SLC30A9: variants seen among roughly 807,000 people sequenced by gnomAD.
SLC30A9 encodes the protein solute carrier family 30 member 9.
In SLC30A9, 58 loss-of-function variants were observed where a neutral mutation model predicts 87.5. The ratio of observed to expected loss-of-function variants is 0.66; its 90% confidence interval spans 0.54 to 0.82. SLC30A9 has a LOEUF of 0.82. Among genes scored for constraint, SLC30A9 ranks in the 40% least tolerant of loss-of-function variants. The pLI is 0.00. For synonymous variants in SLC30A9, 234 were observed against 233.0 expected, an observed-to-expected ratio of 1.00 and a Z score of -0.04; for missense variants, 557 against 679.1, an observed-to-expected ratio of 0.82 and a Z score of 2.00.
At chr4:42,045,109 G>A (rs996602107) in intron 8 of SLC30A9, among the ~76,000 whole-genome samples, 48 of 152,082 alleles carry the variant, frequency 3.2e-4, no homozygotes, top group Middle Eastern at 3.2e-3. Flanking sequence ...GGAGAAAGTC[G>A]GAAAGATCTA....
chr4:42,027,669 A>G (rs986101622), intron 6 of SLC30A9, among the ~76,000 whole-genome samples: 3 of 152,228 alleles, frequency 2.0e-5, no homozygotes, highest in African/African-American at 7.2e-5. Context: ...CAATCATCAC[A>G]GTATTCCCAA....
chr4:42,047,737 C>T (rs1717223771), intron 8 of SLC30A9, among the ~76,000 whole-genome samples: 1 of 152,100 alleles, frequency 6.6e-6, no homozygotes, highest in African/African-American at 2.4e-5. Flanking sequence ...GTGTATATAT[C>T]CAATAGATTA....
At chr4:42,010,311 T>C (rs527582209) in intron 2 of SLC30A9, among the ~76,000 whole-genome samples, 33 of 152,082 alleles carry the variant, frequency 2.2e-4, no homozygotes, top group African/African-American at 7.0e-4. Flanking sequence ...ACCCTGTCTC[T>C]ACAAAAAATA....
chr4:42,017,375 G>GT (rs61558035), intron 2 of SLC30A9, among the ~76,000 whole-genome samples: 4,196 of 138,674 alleles, frequency 0.03, 198 homozygotes, highest in African/African-American at 0.099. Context: ...TTTTTTCTCT[G>GT]TTTTTTTTTT....
chr4:41,998,978 C>A (rs1560533615), intron 1 of SLC30A9, among the ~76,000 whole-genome samples: 1 of 152,038 alleles, frequency 6.6e-6, no homozygotes, highest in Non-Finnish European at 1.5e-5. Context: ...AAATTAAGGA[C>A]TTTTCAAAAC....
rs1718995818 is a variant in SLC30A9, at chr4:42,088,370, C to T, written c.*2244C>T. ...GACCAGCCTGGGCAACACAGCGAGA[C>T]CTCATCTCTACTAAAAAAAGTTAGC... On this transcript the variant is annotated 3_prime_UTR_variant, in exon 18 of 18. Transcript: ENST00000264451. 6.6e-6 allele frequency: 1 copy of T among 152,256 alleles called. No homozygotes were observed. Among genetic ancestry groups the T allele is most frequent in the South Asian group, 2.1e-4 (1 of 4,818 alleles). The allele number at this position is 152,256 out of a possible 1,614,324, so 9.4% of individuals were successfully genotyped here. A position where few individuals can be genotyped will look rare whatever the true frequency, so the allele number is the denominator to read the frequency against.
intron 1 of SLC30A9, among the ~76,000 whole-genome samples, chr4:41,993,234 C>A (rs1293764753): frequency 6.6e-6 from 1 of 151,014 alleles, no homozygotes; most frequent in African/African-American, 2.4e-5. Flanking sequence ...CAAAATATTT[C>A]AACATGTAAT....
Position 41,990,589 on chromosome 4 carries a change from T to G in SLC30A9, c.-63T>G. 6 of 975,020 alleles carry G rather than the reference T, an allele frequency of 6.2e-6. No homozygotes were observed. The highest frequency in any genetic ancestry group is 9.5e-6 in the Non-Finnish European group (6 of 633,200). 60.4% of individuals were successfully genotyped at this position (975,020 alleles called of 1,614,324 possible). On this transcript the variant is annotated 5_prime_UTR_variant, in exon 1 of 18. Transcript: ENST00000264451. ...CTGATGTCCAGTCTATGGAGTCAGT[T>G]GGTACCGGTGGCGGCGCGGAGGCAG...
intron 2 of SLC30A9, among the ~76,000 whole-genome samples, chr4:42,005,406 AT>A (rs976244390): frequency 6.6e-6 from 1 of 152,186 alleles, no homozygotes; most frequent in African/African-American, 2.4e-5. Flanking sequence ...TCAGAGGAGT[AT>A]TTTTTTCTTC....
intron 10 of SLC30A9, among the ~76,000 whole-genome samples, chr4:42,062,320 T>C (rs552905633): frequency 7.2e-5 from 11 of 152,332 alleles, no homozygotes; most frequent in African/African-American, 2.4e-4. Flanking sequence ...TCCTCTAGTA[T>C]GTTATTAATA....
chr4:42,051,862 A>C lies in SLC30A9; in HGVS notation c.840+2383A>C, dbSNP rs572102674. Among the ~76,000 whole-genome samples the C allele has an allele frequency of 4.6e-5, 7 of 152,190 alleles. No homozygotes were observed. The South Asian group carries it at 1.4e-3, about 32-fold the overall frequency. ...GTTTTTCTACTGCTTTAATGAGGCT[A>C]GTATAACCCTGATGCCAAAATTTTA... is the stretch of plus-strand genomic sequence containing the variant. On this transcript the variant is annotated intron_variant, in intron 9 of 17. Transcript: ENST00000264451.
At chr4:42,002,419 C>CCT (rs143638947) in intron 2 of SLC30A9, among the ~76,000 whole-genome samples, 2 of 148,974 alleles carry the variant, frequency 1.3e-5, no homozygotes, top group Admixed American at 1.4e-4. Context: ...CCATTGCTGC[C>CCT]CTCTCTCTCT....
At chr4:41,998,514 A>T (rs2153132553) in intron 1 of SLC30A9, among the ~76,000 whole-genome samples, 1 of 149,318 alleles carries the variant, frequency 6.7e-6, no homozygotes, top group African/African-American at 2.4e-5. Context: ...CCCTGGCTGG[A>T]ATGCAATGGC....
intron 6 of SLC30A9, among the ~76,000 whole-genome samples, chr4:42,028,284 A>AT (rs1241064971): frequency 1.3e-5 from 2 of 151,802 alleles, no homozygotes; most frequent in Non-Finnish European, 2.9e-5. Context: ...TGCCCGGCTA[A>AT]TTTTTTTTGT....
At chr4:42,006,993 A>C (rs1410198747) in intron 2 of SLC30A9, among the ~76,000 whole-genome samples, 2 of 152,174 alleles carry the variant, frequency 1.3e-5, no homozygotes, top group Non-Finnish European at 2.9e-5. Context: ...TAGTGGGAAT[A>C]ACAGAGTATT....
chr4:42,018,213 G>A (rs1034811983), intron 3 of SLC30A9, 43 bp downstream of exon 3: 43 of 1,107,514 alleles, frequency 3.9e-5, no homozygotes, highest in Non-Finnish European at 5.3e-5. Flanking sequence ...AAGATGTTTT[G>A]AATTAAATAT....
At chr4:42,055,302 G>A (rs940144055) in intron 9 of SLC30A9, among the ~76,000 whole-genome samples, 1 of 152,106 alleles carries the variant, frequency 6.6e-6, no homozygotes, top group African/African-American at 2.4e-5. Context: ...TATGCCATAT[G>A]TTTTCCCTCA....
chr4:42,028,501 T>C (rs1716285306), intron 6 of SLC30A9, among the ~76,000 whole-genome samples: 1 of 152,246 alleles, frequency 6.6e-6, no homozygotes, highest in East Asian at 1.9e-4. Flanking sequence ...CTTATATAGA[T>C]GATGGTGGTA....
intron 4 of SLC30A9, among the ~76,000 whole-genome samples, chr4:42,022,617 T>G (rs1192006698): frequency 6.6e-6 from 1 of 152,172 alleles, no homozygotes; most frequent in Non-Finnish European, 1.5e-5. Flanking sequence ...CATATTATAT[T>G]GTGGTGTCTA....
Sources: allele counts gnomAD v4.1 joint callset (sites outside exome capture counted in the v4.1 genomes callset), GRCh38; gene constraint gnomAD v4.1.1; transcripts MANE v1.5; gene names NCBI Gene and HGNC (gene_info 2026-07-23, HGNC 2026-07-21).